The following PBX1 variants were observed in gnomAD, a reference collection of about 807,000 sequenced individuals.
The protein encoded by PBX1 is PBX homeobox 1.
PBX1 carries 6 observed loss-of-function variants against 53.4 expected under a neutral mutation model. The observed-to-expected ratio is 0.11, with a 90% CI of 0.06 to 0.22. The LOEUF is 0.22. PBX1 is among the 10% of genes least tolerant of loss of function. The pLI is 1.00. For missense variants in PBX1, 251 were observed against 551.4 expected, an observed-to-expected ratio of 0.46 and a Z score of 5.46; for synonymous variants, 204 against 212.3, an observed-to-expected ratio of 0.96 and a Z score of 0.34.
intron 2 of PBX1, among the ~76,000 whole-genome samples, chr1:164,784,521 C>T (rs1668082745): frequency 6.6e-6 from 1 of 152,186 alleles, no homozygotes; most frequent in East Asian, 1.9e-4. Context: ...ACAAGAAAAA[C>T]TTGGTGTGTT....
intron 2 of PBX1, among the ~76,000 whole-genome samples, chr1:164,789,959 G>A (rs1414695711): frequency 1.4e-5 from 2 of 144,114 alleles, no homozygotes; most frequent in African/African-American, 5.6e-5. Flanking sequence ...TAATGGCTCA[G>A]AGGCGATTCT....
intron 8 of PBX1, among the ~76,000 whole-genome samples, chr1:164,826,682 G>T (rs902237514): frequency 3.3e-5 from 5 of 152,170 alleles, no homozygotes; most frequent in Non-Finnish European, 5.9e-5. Flanking sequence ...TGGGATTATA[G>T]GTGTGAGCCA....
At chr1:164,672,064 CCT>C (rs1661150129) in intron 2 of PBX1, among the ~76,000 whole-genome samples, 1 of 150,696 alleles carries the variant, frequency 6.6e-6, no homozygotes, top group Non-Finnish European at 1.5e-5. Flanking sequence ...CTTTTATTCC[CCT>C]GTTGACACAC....
chr1:164,589,291 G>C (rs1291186276), intron 2 of PBX1, among the ~76,000 whole-genome samples: 1 of 152,146 alleles, frequency 6.6e-6, no homozygotes, highest in Non-Finnish European at 1.5e-5. Context: ...TTCCCAAGTT[G>C]TTTGCAGATG....
intron 2 of PBX1, among the ~76,000 whole-genome samples, chr1:164,859,372 G>A (rs554435079): frequency 3.5e-4 from 53 of 152,278 alleles, no homozygotes; most frequent in African/African-American, 1.3e-3. Flanking sequence ...TGGTTTCAGA[G>A]AACAAGAGAC....
At chr1:164,590,906 G>GCGATCT (rs1655327352) in intron 2 of PBX1, among the ~76,000 whole-genome samples, 2 of 152,014 alleles carry the variant, frequency 1.3e-5, no homozygotes, top group Non-Finnish European at 2.9e-5. Context: ...GGGCAGTGGT[G>GCGATCT]CGATCTCGGC....
At chr1:164,728,828 A>G (rs34067694) in intron 2 of PBX1, among the ~76,000 whole-genome samples, 24,484 of 152,202 alleles carry the variant, frequency 0.16, 2,566 homozygotes, top group South Asian at 0.31. Flanking sequence ...CCACCGCAAC[A>G]TATTTCAGTT....
At chr1:164,637,485 T>C (rs1425545399) in intron 2 of PBX1, among the ~76,000 whole-genome samples, 3 of 152,272 alleles carry the variant, frequency 2.0e-5, no homozygotes, top group African/African-American at 7.2e-5. Flanking sequence ...GATGCTAACT[T>C]CCTGTGGGAT....
chr1:164,806,575 G>A (rs1330458446), intron 4 of PBX1, among the ~76,000 whole-genome samples: 2 of 152,282 alleles, frequency 1.3e-5, no homozygotes, highest in East Asian at 3.9e-4. Flanking sequence ...TAATTGTGAG[G>A]AGCCAATTTG....
chr1:164,577,290 CT>C (rs1654319909), intron 2 of PBX1, among the ~76,000 whole-genome samples: 1 of 152,256 alleles, frequency 6.6e-6, no homozygotes, highest in South Asian at 2.1e-4. Flanking sequence ...AGTCTGATTT[CT>C]TTAACACTTG....
chr1:164,856,465 T>C (rs1036386855), downstream of PBX1, among the ~76,000 whole-genome samples: 4 of 152,286 alleles, frequency 2.6e-5, no homozygotes, highest in East Asian at 7.7e-4. Context: ...CTTCTCTAAA[T>C]TATATTTTTA....
At chr1:164,678,352 G>A (rs998793902) in intron 2 of PBX1, among the ~76,000 whole-genome samples, 5 of 152,178 alleles carry the variant, frequency 3.3e-5, no homozygotes, top group African/African-American at 1.2e-4. Context: ...AGCCAGCATA[G>A]AAGGCATAAT....
intron 2 of PBX1, among the ~76,000 whole-genome samples, chr1:164,711,475 T>G (rs1663774469): frequency 6.6e-6 from 1 of 152,252 alleles, no homozygotes; most frequent in Middle Eastern, 3.4e-3. Flanking sequence ...ATGTTAGCCA[T>G]GATGGTCTCG....
chr1:164,857,971 T>A (rs1049517128), intron 2 of PBX1, among the ~76,000 whole-genome samples: 1 of 152,192 alleles, frequency 6.6e-6, no homozygotes. Flanking sequence ...CATATCTCTC[T>A]GGGTGCATCT....
chr1:164,763,085 CA>C (rs142699145), intron 2 of PBX1, among the ~76,000 whole-genome samples: 213 of 152,222 alleles, frequency 1.4e-3, no homozygotes, highest in African/African-American at 4.9e-3. Flanking sequence ...AGAGGTTAAA[CA>C]GTCAAAATCA....
intron 2 of PBX1, among the ~76,000 whole-genome samples, chr1:164,687,501 C>G (rs1662177919): frequency 7.1e-6 from 1 of 139,882 alleles, no homozygotes; most frequent in Non-Finnish European, 1.5e-5. Context: ...GGGGTCGAGG[C>G]TGTAGCAAGT....
At chr1:164,779,700 G>GC (rs1667840460) in intron 2 of PBX1, among the ~76,000 whole-genome samples, 2 of 152,206 alleles carry the variant, frequency 1.3e-5, no homozygotes, top group African/African-American at 4.8e-5. Flanking sequence ...TAGCATGCTG[G>GC]CCCCAGTGTC....
rs559254939 is a variant in PBX1 at position 164,799,455 on chromosome 1, C to G, written c.511-244C>G. ...GCAGTGAGCCGATATCGTGCCACTG[C>G]ACTCCAGCCTGGGCGACCGAGCGAG... On this transcript the variant is annotated intron_variant, in intron 3 of 8. Coordinates refer to ENST00000420696, the MANE Select transcript of PBX1 (RefSeq NM_002585.4). 1.1e-4 allele frequency among the ~76,000 whole-genome samples: 17 copies of G among 152,286 alleles called. No individual in the cohort carries two copies. The South Asian group carries it at 3.5e-3, about 32-fold the overall frequency.
chr1:164,870,284 T>C (rs913596398), intron 2 of PBX1, among the ~76,000 whole-genome samples: 1 of 26,336 alleles, frequency 3.8e-5, no homozygotes, highest in Admixed American at 4.0e-4. Flanking sequence ...TTTCTTTCTT[T>C]CTTTCTTTCT....
Sources: allele counts gnomAD v4.1 joint callset (sites outside exome capture counted in the v4.1 genomes callset), GRCh38; gene constraint gnomAD v4.1.1; transcripts MANE v1.5; gene names NCBI Gene and HGNC (gene_info 2026-07-23, HGNC 2026-07-21).